Variants in CNRIP1 observed in about 807,000 individuals in gnomAD.
CNRIP1 encodes the protein CB1 cannabinoid receptor-interacting protein 1.
In CNRIP1, 10 loss-of-function variants were observed where a neutral mutation model predicts 15.2. The observed-to-expected ratio is 0.66, with a 90% CI of 0.41 to 1.12. CNRIP1 has a LOEUF of 1.12. Ranked by LOEUF, CNRIP1 falls within the 50% of genes most tolerant of loss-of-function variation. The pLI, the probability that CNRIP1 is intolerant of heterozygous loss-of-function variation, is 0.00. For missense variants in CNRIP1, 211 were observed against 214.7 expected (o/e 0.98, Z 0.11); for synonymous variants, 91 against 83.2 (o/e 1.09, Z -0.51).
In CNRIP1 at chr2:68,305,274, A is replaced by ATGTGTGTGTGTGTGTG. The variant is rs10601379; in HGVS notation, c.331-11264_331-11249dup. Among the ~76,000 whole-genome samples, 522 of 120,610 alleles carry ATGTGTGTGTGTGTGTG rather than the reference A, an allele frequency of 4.3e-3. 3 individuals are homozygous for ATGTGTGTGTGTGTGTG. Among genetic ancestry groups the ATGTGTGTGTGTGTGTG allele is most frequent in the Middle Eastern group, 8.1e-3 (2 of 246 alleles). The allele number at this position is 120,610 out of a possible 152,430, so 79.1% of individuals were successfully genotyped here. A position where few individuals can be genotyped will look rare whatever the true frequency, so the allele number is the denominator to read the frequency against. ...AAAAAAAAAAAATATATATATATAT[A>ATGTGTGTGTGTGTGTG]TGTGTGTGTGTGTGTGTGTGTGTGT... is the stretch of plus-strand genomic sequence containing the variant. On this transcript the variant is annotated intron_variant, in intron 2 of 2. Transcript: ENST00000263655.
At position 68,316,127 on chromosome 2, in the gene CNRIP1, G is replaced by C. The variant is rs1672262838; in HGVS notation, c.330+1030C>G. ...TATTGTGGTTTTAAAAAGTATAATG[G>C]GGACTGGGAACACTTTAAGTTTCCA... On this transcript the variant is annotated intron_variant, in intron 2 of 2. Transcript: ENST00000263655. The C allele has an allele frequency of 2.0e-5, 3 of 150,896 alleles. No homozygotes were observed. In the South Asian group the frequency reaches 6.3e-4, roughly 32 times the overall value. 9.3% of individuals were successfully genotyped at this position (150,896 alleles called of 1,614,324 possible). A position where few individuals can be genotyped will look rare whatever the true frequency, so the allele number is the denominator to read the frequency against.
chr2:68,305,104 C>T (rs1671761747), intron 2 of CNRIP1, among the ~76,000 whole-genome samples: 1 of 151,798 alleles, frequency 6.6e-6, no homozygotes, highest in African/African-American at 2.4e-5. Context: ...ATTAGCCGGG[C>T]ATGGTGGCAC....
intron 2 of CNRIP1, among the ~76,000 whole-genome samples, chr2:68,304,904 C>T (rs981032276): frequency 2.0e-5 from 3 of 152,070 alleles, no homozygotes; most frequent in African/African-American, 7.2e-5. Flanking sequence ...CAACACAATC[C>T]AATGACATTT....
At chr2:68,303,344 G>C (rs1330746193) in intron 2 of CNRIP1, among the ~76,000 whole-genome samples, 5 of 152,174 alleles carry the variant, frequency 3.3e-5, no homozygotes, top group Non-Finnish European at 7.3e-5. Flanking sequence ...CCTGAGCACT[G>C]GGTAAGTGTG....
intron 2 of CNRIP1, among the ~76,000 whole-genome samples, chr2:68,286,667 C>A (rs1028194627): frequency 3.3e-5 from 5 of 152,272 alleles, no homozygotes; most frequent in Non-Finnish European, 7.4e-5. Context: ...CCATTGTTAC[C>A]TCTTGGGCCA....
intron 2 of CNRIP1, among the ~76,000 whole-genome samples, chr2:68,305,313 T>TGTGTGC (rs1421342491): frequency 1.4e-5 from 2 of 140,728 alleles, no homozygotes; most frequent in African/African-American, 2.6e-5. Context: ...TGTGTGTGTG[T>TGTGTGC]ACATATAAAA....
At chr2:68,310,625 T>A (rs980806582) in intron 2 of CNRIP1, among the ~76,000 whole-genome samples, 4 of 151,658 alleles carry the variant, frequency 2.6e-5, no homozygotes, top group South Asian at 4.2e-4. Flanking sequence ...AAGCAGAAAC[T>A]AGAGTTGGTA....
downstream of CNRIP1, among the ~76,000 whole-genome samples, chr2:68,288,656 T>G (rs1395720637): frequency 6.6e-6 from 1 of 152,184 alleles, no homozygotes; most frequent in East Asian, 1.9e-4. Flanking sequence ...AAGAGAACTA[T>G]AGGCAAATGA....
chr2:68,319,575 G>A lies in CNRIP1; in HGVS notation c.-175C>T. The A allele has an allele frequency of 4.9e-6, 3 of 618,434 alleles. No individual in the cohort carries two copies. Among genetic ancestry groups the A allele is most frequent in the Admixed American group, 3.5e-5 (1 of 28,642 alleles). The allele number at this position is 618,434 out of a possible 1,614,324, so 38.3% of individuals were successfully genotyped here. On this transcript the variant is annotated 5_prime_UTR_variant, in exon 1 of 3. Transcript: ENST00000263655. ...CGCCGCCGTCCGCCCGGGCTTTTGA[G>A]GAGCAGCTCCTTAGGCTGTGGCCCC...
chr2:68,298,779 TC>T (rs1671485220), intron 2 of CNRIP1, among the ~76,000 whole-genome samples: 1 of 152,174 alleles, frequency 6.6e-6, no homozygotes, highest in Non-Finnish European at 1.5e-5. Context: ...GAGCTCTATT[TC>T]CTGGGCCTCT....
At chr2:68,297,636 G>GT (rs1318424178) in intron 2 of CNRIP1, among the ~76,000 whole-genome samples, 8 of 139,064 alleles carry the variant, frequency 5.8e-5, no homozygotes, top group Non-Finnish European at 1.1e-4. Context: ...ATATTCAAAT[G>GT]TAATTAGTAA....
intron 2 of CNRIP1, among the ~76,000 whole-genome samples, chr2:68,298,506 A>G (rs192580295): frequency 1.5e-3 from 230 of 152,330 alleles, no homozygotes; most frequent in Non-Finnish European, 2.2e-3. Flanking sequence ...CGTAAGGCTT[A>G]TGTCTAAAAA....
intron 2 of CNRIP1, among the ~76,000 whole-genome samples, chr2:68,305,011 G>A (rs12473811): frequency 0.21 from 31,958 of 151,928 alleles, 3,718 homozygotes; most frequent in Non-Finnish European, 0.25. Flanking sequence ...TTGCGAAGCC[G>A]AGGGGTGTGG....
exon 3 of CNRIP1, chr2:68,284,330 G>A: frequency 1.5e-6 from 1 of 675,198 alleles, no homozygotes; most frequent in East Asian, 3.2e-5. Context: ...TAATTCTGAT[G>A]GCCTGTGAGA....
chr2:68,294,032 G>A lies in CNRIP1; in HGVS notation c.331-6C>T. ...AAGGTCCCAATGTCTGTGAACTGAG[G>A]GAAGAGAAACATGCCTGATAAAAAA... On this transcript the variant is annotated splice_polypyrimidine_tract_variant and splice_region_variant and intron_variant, in intron 2 of 2. Coordinates refer to ENST00000263655, the MANE Select transcript of CNRIP1 (RefSeq NM_015463.3). The A allele has an allele frequency of 1.2e-6, 2 of 1,612,562 alleles. No homozygotes were observed. The highest frequency in any genetic ancestry group is 1.7e-6 in the Non-Finnish European group (2 of 1,178,956).
Position 68,319,607 on chromosome 2 carries a change from C to T in CNRIP1, c.-207G>A. The T allele has an allele frequency of 1.9e-6, 1 of 518,444 alleles. No individual in the cohort carries two copies. The allele number at this position is 518,444 out of a possible 1,614,324, so 32.1% of individuals were successfully genotyped here. On this transcript the variant is annotated 5_prime_UTR_variant, in exon 1 of 3. Transcript: ENST00000263655. Reference sequence around the variant, plus strand: ...CTCCTTAGGCTGTGGCCCCCCTCCCCACTCGGCGAGGAAGCGGGCCCAAGA... The same window carrying T: ...CTCCTTAGGCTGTGGCCCCCCTCCCTACTCGGCGAGGAAGCGGGCCCAAGA...
In CNRIP1 at chr2:68,293,993, G is replaced by A; in HGVS notation, c.364C>T (p.Gln122Ter). ...TTGTGGTAATTGTAGAACTTGACTTGCCACACTGTCTCGAAGGTCCCAATG... is the reference window on the plus strand; with the variant it reads ...TTGTGGTAATTGTAGAACTTGACTTACCACACTGTCTCGAAGGTCCCAATG... ...TDIGTFETVW[Q>*]VKFYNYHKRD... Residue 122 changes from glutamine (Q) to a stop codon, truncating the protein, a stop_gained, in exon 3 of 3, where the codon CAA becomes TAA. Coordinates refer to ENST00000263655, the MANE Select transcript of CNRIP1 (RefSeq NM_015463.3). LOFTEE classifies it high-confidence loss of function. 6.2e-7 allele frequency: 1 copy of A among 1,613,996 alleles called. No homozygotes were observed. The highest frequency in any genetic ancestry group is 2.2e-5 in the East Asian group (1 of 44,868).
At chr2:68,314,482 A>C (rs997988034) in intron 2 of CNRIP1, among the ~76,000 whole-genome samples, 1 of 152,024 alleles carries the variant, frequency 6.6e-6, no homozygotes, top group African/African-American at 2.4e-5. Context: ...GCTGTAGTTG[A>C]CTGCTAGCAG....
intron 2 of CNRIP1, chr2:68,316,612 A>G (rs557007047): frequency 4.7e-5 from 7 of 149,242 alleles, no homozygotes; most frequent in African/African-American, 1.7e-4. Flanking sequence ...GGATTACCAG[A>G]TATTATATAT....
Sources: allele counts gnomAD v4.1 joint callset (sites outside exome capture counted in the v4.1 genomes callset), GRCh38; gene constraint gnomAD v4.1.1; transcripts MANE v1.5; gene names NCBI Gene and HGNC (gene_info 2026-07-23, HGNC 2026-07-21).